The following GRHL2 variants were observed in gnomAD, a reference collection of about 807,000 sequenced individuals.
GRHL2 encodes the protein grainyhead-like protein 2 homolog.
Under a neutral mutation model 83.8 loss-of-function variants are expected in GRHL2, and 21 were observed. The observed-to-expected ratio is 0.25, with a 90% CI of 0.18 to 0.36. GRHL2 has a LOEUF of 0.36. GRHL2 is among the 10% of genes least tolerant of loss of function. GRHL2 has a pLI of 1.00. For missense variants in GRHL2, 623 were observed against 781.8 expected, an observed-to-expected ratio of 0.80 and a Z score of 2.42; for synonymous variants, 280 against 278.9, an observed-to-expected ratio of 1.00 and a Z score of -0.04.
chr8:101,504,329 C>T (rs775558966), intron 1 of GRHL2, among the ~76,000 whole-genome samples: 1 of 152,180 alleles, frequency 6.6e-6, no homozygotes, highest in Non-Finnish European at 1.5e-5. Flanking sequence ...ATCATTAAAT[C>T]CAGTGATTTT....
At chr8:101,652,450 GT>G in intron 14 of GRHL2, among the ~76,000 whole-genome samples, 3 of 68,260 alleles carry the variant, frequency 4.4e-5, no homozygotes, top group African/African-American at 6.8e-5. Flanking sequence ...TGTGTGTGGT[GT>G]GTGTCTGGTG....
chr8:101,580,700 T>TTTA (rs1554588653), intron 7 of GRHL2, among the ~76,000 whole-genome samples: 14 of 152,136 alleles, frequency 9.2e-5, no homozygotes, highest in Middle Eastern at 3.4e-3. Context: ...ATTTATTTTA[T>TTTA]TTTATTTATT....
intron 8 of GRHL2, among the ~76,000 whole-genome samples, chr8:101,618,827 A>G (rs759907444): frequency 3.3e-5 from 5 of 152,170 alleles, no homozygotes; most frequent in Non-Finnish European, 5.9e-5. Context: ...TGTGCAAAGG[A>G]AGGTGTTATC....
chr8:101,530,106 G>T (rs1316138470), intron 1 of GRHL2, among the ~76,000 whole-genome samples: 1 of 152,182 alleles, frequency 6.6e-6, no homozygotes, highest in Non-Finnish European at 1.5e-5. Flanking sequence ...CTTAGCCATA[G>T]GCACTGAAGA....
At chr8:101,635,191 A>G (rs1813262440) in intron 11 of GRHL2, among the ~76,000 whole-genome samples, 1 of 152,194 alleles carries the variant, frequency 6.6e-6, no homozygotes, top group African/African-American at 2.4e-5. Context: ...TCCATCCTTC[A>G]TCTTTTGAGT....
intron 2 of GRHL2, among the ~76,000 whole-genome samples, chr8:101,551,069 A>T (rs11780071): frequency 6.6e-6 from 1 of 152,038 alleles, no homozygotes; most frequent in Non-Finnish European, 1.5e-5. Flanking sequence ...CAATGAACAC[A>T]GGTGTGTTGA....
At chr8:101,554,099 TAC>T (rs1811443155) in intron 3 of GRHL2, among the ~76,000 whole-genome samples, 1 of 152,194 alleles carries the variant, frequency 6.6e-6, no homozygotes, top group African/African-American at 2.4e-5. Context: ...CTTGTGACAT[TAC>T]AGTCTTCTGT....
At chr8:101,636,852 T>C (rs1375919353) in intron 11 of GRHL2, 45 bp from the exon 12 acceptor site, 2 of 1,586,558 alleles carry the variant, frequency 1.3e-6, no homozygotes, top group Non-Finnish European at 1.7e-6. Context: ...ATTTTTTCCA[T>C]TTCTTGTCTC....
intron 12 of GRHL2, among the ~76,000 whole-genome samples, chr8:101,643,814 C>G (rs1159087308): frequency 6.6e-6 from 1 of 152,244 alleles, no homozygotes; most frequent in Non-Finnish European, 1.5e-5. Context: ...CCCCCCAGCC[C>G]CGATCTTGAG....
chr8:101,658,508 C>CTGTG (rs1813847436), intron 14 of GRHL2, among the ~76,000 whole-genome samples: 1 of 152,166 alleles, frequency 6.6e-6, no homozygotes, highest in Non-Finnish European at 1.5e-5. Context: ...CTCCACATGC[C>CTGTG]TGTGTGCTGG....
intron 9 of GRHL2, among the ~76,000 whole-genome samples, chr8:101,629,702 T>C (rs995887240): frequency 5.9e-5 from 9 of 152,096 alleles, no homozygotes; most frequent in African/African-American, 1.7e-4. Flanking sequence ...CCCTAGCACA[T>C]AGAAAAATGC....
intron 9 of GRHL2, among the ~76,000 whole-genome samples, chr8:101,625,543 A>T (rs1268327393): frequency 6.6e-6 from 1 of 152,006 alleles, no homozygotes; most frequent in African/African-American, 2.4e-5. Context: ...GGAGAGGGCG[A>T]AAAAGAGGAT....
intron 9 of GRHL2, 46 bp downstream of exon 9, chr8:101,619,743 A>G (rs201082239): frequency 1.4e-6 from 2 of 1,433,298 alleles, no homozygotes; most frequent in Admixed American, 1.7e-5. Flanking sequence ...TTTTTATTAG[A>G]TATTACTTTT....
chr8:101,526,218 A>T (rs191096517), intron 1 of GRHL2, among the ~76,000 whole-genome samples: 172 of 152,352 alleles, frequency 1.1e-3, no homozygotes, highest in Non-Finnish European at 1.9e-3. Flanking sequence ...CCAAAATTCA[A>T]AACTGGTAGT....
At chr8:101,550,951 A>G (rs1394855968) in intron 2 of GRHL2, among the ~76,000 whole-genome samples, 1 of 152,126 alleles carries the variant, frequency 6.6e-6, no homozygotes, top group African/African-American at 2.4e-5. Context: ...TTCTCTGTTA[A>G]GGCAGCATAG....
intron 1 of GRHL2, among the ~76,000 whole-genome samples, chr8:101,502,891 T>C (rs1055408942): frequency 5.9e-5 from 9 of 152,252 alleles, no homozygotes; most frequent in Middle Eastern, 3.4e-3. Flanking sequence ...TTTAATAAAA[T>C]GTAATTCACA....
rs115714156 is a variant in GRHL2 at position 101,626,630 on chromosome 8, C to T, written c.1258-5007C>T. Among the ~76,000 whole-genome samples, 636 of 152,104 alleles carry T rather than the reference C, an allele frequency of 4.2e-3. 5 individuals carry two copies. Among genetic ancestry groups the T allele is most frequent in the African/African-American group, 0.014 (593 of 41,534 alleles). On this transcript the variant is annotated intron_variant, in intron 9 of 15. Transcript: ENST00000646743. ...TCTCAAGTGGTGGCAAAAATGATCA[C>T]AATATTGGCAGGAATTTTCCAGATA...
In GRHL2 at chr8:101,669,697, AAAAT is replaced by A. The variant is rs1343531962; in HGVS notation, c.*3000_*3003del. The A allele has an allele frequency of 2.6e-5, 4 of 152,096 alleles. No homozygotes were observed. The highest frequency in any genetic ancestry group is 1.9e-4 in the East Asian group (1 of 5,190). The allele number at this position is 152,096 out of a possible 1,614,324, so 9.4% of individuals were successfully genotyped here. A position where few individuals can be genotyped will look rare whatever the true frequency, so the allele number is the denominator to read the frequency against. ...ATTTTTTGTACATTTTTAAGGAGAA[AAAAT>A]AAATATTCATAACATAAGAGTAAAA... On this transcript the variant is annotated 3_prime_UTR_variant, in exon 16 of 16. Coordinates refer to ENST00000646743, the MANE Select transcript of GRHL2 (RefSeq NM_024915.4).
chr8:101,535,334 G>A (rs539656005), intron 1 of GRHL2, among the ~76,000 whole-genome samples: 21 of 152,180 alleles, frequency 1.4e-4, no homozygotes, highest in Non-Finnish European at 2.8e-4. Context: ...GTAGAGTTTC[G>A]TGCTTCTAGA....
Sources: gnomAD v4.1 joint callset for allele counts (sites outside exome capture counted in the v4.1 genomes callset) on GRCh38, gnomAD v4.1.1 for gene constraint, MANE v1.5 for transcripts, NCBI Gene and HGNC (gene_info 2026-07-23, HGNC 2026-07-21) for gene names.